Variants in TEAD1 observed in about 807,000 individuals in gnomAD.
The protein encoded by TEAD1 is TEA domain transcription factor 1, also known as transcriptional enhancer factor TEF-1.
Under a neutral mutation model 54.9 loss-of-function variants are expected in TEAD1, and 9 were observed. The ratio of observed to expected loss-of-function variants is 0.16; its 90% CI spans 0.10 to 0.29. The LOEUF (loss-of-function observed/expected upper bound fraction) is 0.29. TEAD1 is among the 10% of genes least tolerant of loss of function. The pLI, the probability that TEAD1 is intolerant of heterozygous loss-of-function variation, is 1.00. For missense variants in TEAD1, 387 were observed against 535.9 expected (o/e 0.72, Z 2.74); for synonymous variants, 200 against 187.8 (o/e 1.07, Z -0.53).
Position 12,941,667 on chromosome 11 carries a change from ATTTC to A in TEAD1, c.*4449_*4452del, listed in dbSNP as rs1949163774. The A allele has an allele frequency of 6.6e-6, 1 of 152,524 alleles. No individual in the cohort carries two copies. The highest frequency in any genetic ancestry group is 2.4e-5 in the African/African-American group (1 of 41,420). 9.4% of individuals were successfully genotyped at this position (152,524 alleles called of 1,614,324 possible). A position where few individuals can be genotyped will look rare whatever the true frequency, so the allele number is the denominator to read the frequency against. ...TTAGGAGGATATGTCTGCATTGCTT[ATTTC>A]TTTATGTTGGTGTTTCTGTGGCAAA... On this transcript the variant is annotated 3_prime_UTR_variant, in exon 13 of 13. Transcript: ENST00000527636.
intron 10 of TEAD1, among the ~76,000 whole-genome samples, chr11:12,908,870 C>T (rs1259414737): frequency 1.8e-5 from 2 of 112,636 alleles, no homozygotes; most frequent in Non-Finnish European, 3.9e-5. Flanking sequence ...TGTCAGTATA[C>T]TTCAAATTAT....
At chr11:12,913,289 A>T (rs1284111144) in intron 10 of TEAD1, among the ~76,000 whole-genome samples, 2 of 152,156 alleles carry the variant, frequency 1.3e-5, no homozygotes, top group African/African-American at 4.8e-5. Context: ...TAAATTAAAA[A>T]AGTGATGCAG....
At chr11:12,694,434 A>C in intron 2 of TEAD1, among the ~76,000 whole-genome samples, 1 of 149,810 alleles carries the variant, frequency 6.7e-6, no homozygotes, top group African/African-American at 2.5e-5. Context: ...GCAGTGTTTC[A>C]CGCCAGTCTT....
chr11:12,703,862 T>C (rs1020965342), intron 2 of TEAD1, among the ~76,000 whole-genome samples: 6 of 152,168 alleles, frequency 3.9e-5, no homozygotes, highest in Non-Finnish European at 8.8e-5. Context: ...TTCCCTGCTA[T>C]AGTTGGAGAT....
intron 2 of TEAD1, among the ~76,000 whole-genome samples, chr11:12,721,002 G>A (rs984781308): frequency 2.2e-4 from 33 of 152,278 alleles, no homozygotes; most frequent in Admixed American, 1.4e-3. Context: ...TTTGGACCTT[G>A]TATTCTTTAT....
At chr11:12,926,492 C>T (rs567273832) in intron 11 of TEAD1, among the ~76,000 whole-genome samples, 32 of 152,224 alleles carry the variant, frequency 2.1e-4, no homozygotes, top group South Asian at 8.3e-4. Flanking sequence ...GTCACACTCA[C>T]ATTTTATGCT....
intron 2 of TEAD1, among the ~76,000 whole-genome samples, chr11:12,704,466 C>T (rs1393374517): frequency 6.6e-6 from 1 of 152,200 alleles, no homozygotes; most frequent in African/African-American, 2.4e-5. Context: ...ATCTGCCTGG[C>T]GTGCCACTCC....
intron 3 of TEAD1, among the ~76,000 whole-genome samples, chr11:12,852,479 A>T (rs1298776520): frequency 1.4e-5 from 2 of 141,842 alleles, no homozygotes; most frequent in East Asian, 2.1e-4. Flanking sequence ...ACAGAGTCTC[A>T]CTCTGTTGCC....
rs981731101 is a variant in TEAD1, at chr11:12,939,366, C to T, written c.*2144C>T. 8 of 152,320 alleles carry T rather than the reference C, an allele frequency of 5.3e-5. No homozygotes were observed. The highest frequency in any genetic ancestry group is 7.3e-5 in the Non-Finnish European group (5 of 68,138). 9.4% of individuals were successfully genotyped at this position (152,320 alleles called of 1,614,324 possible). A position where few individuals can be genotyped will look rare whatever the true frequency, so the allele number is the denominator to read the frequency against. On this transcript the variant is annotated 3_prime_UTR_variant, in exon 13 of 13. Transcript: ENST00000527636. ...CCTTAAGGGAAGCCCCATCCTCTCC[C>T]AGGACCAGGAGTTTATGACCAGGCG...
intron 5 of TEAD1, among the ~76,000 whole-genome samples, chr11:12,870,056 T>C (rs1947709380): frequency 6.6e-6 from 1 of 152,038 alleles, no homozygotes. Context: ...ATTTTTGTAT[T>C]TTTAATAGAG....
intron 2 of TEAD1, among the ~76,000 whole-genome samples, chr11:12,686,370 C>G (rs1428918904): frequency 6.6e-6 from 1 of 152,136 alleles, no homozygotes; most frequent in African/African-American, 2.4e-5. Context: ...AGGGGAATTT[C>G]AGGAAACAAC....
chr11:12,851,881 T>A (rs958589342), intron 3 of TEAD1, among the ~76,000 whole-genome samples: 12 of 152,192 alleles, frequency 7.9e-5, no homozygotes, highest in Non-Finnish European at 1.5e-4. Flanking sequence ...ACAGGTGCTT[T>A]ACCATGGAGC....
chr11:12,695,986 C>G (rs900894407), intron 2 of TEAD1, among the ~76,000 whole-genome samples: 3 of 152,172 alleles, frequency 2.0e-5, no homozygotes, highest in African/African-American at 4.8e-5. Flanking sequence ...GAAATACATT[C>G]CTATTTGATA....
At chr11:12,878,896 G>C in intron 5 of TEAD1, 1 of 1,285,784 alleles carries the variant, frequency 7.8e-7, no homozygotes, top group Non-Finnish European at 1.0e-6. Flanking sequence ...CAGGTAACAA[G>C]CATGGTAAGT....
intron 2 of TEAD1, among the ~76,000 whole-genome samples, chr11:12,713,294 A>T (rs1305845162): frequency 3.9e-5 from 6 of 152,216 alleles, no homozygotes; most frequent in Non-Finnish European, 8.8e-5. Context: ...TGCTGGGATT[A>T]TAGGCATGAG....
At chr11:12,675,052 C>T (rs1021157141) in intron 1 of TEAD1, among the ~76,000 whole-genome samples, 1 of 146,548 alleles carries the variant, frequency 6.8e-6, no homozygotes, top group South Asian at 2.1e-4. Context: ...CTTGCCAGGA[C>T]GCCAAGTTGG....
At chr11:12,723,711 C>T (rs1944258388) in intron 2 of TEAD1, among the ~76,000 whole-genome samples, 1 of 152,112 alleles carries the variant, frequency 6.6e-6, no homozygotes, top group African/African-American at 2.4e-5. Flanking sequence ...CATGCTCCTT[C>T]AACTTATAAA....
At chr11:12,800,945 C>T (rs1473217083) in intron 3 of TEAD1, among the ~76,000 whole-genome samples, 1 of 152,170 alleles carries the variant, frequency 6.6e-6, no homozygotes, top group Non-Finnish European at 1.5e-5. Flanking sequence ...ATGCCTGGCA[C>T]AGAATTGGTG....
intron 5 of TEAD1, among the ~76,000 whole-genome samples, chr11:12,868,445 A>G (rs1213665769): frequency 6.6e-6 from 1 of 152,162 alleles, no homozygotes; most frequent in Non-Finnish European, 1.5e-5. Context: ...AAGTTCTGCC[A>G]TGTTCCTAGG....
Sources: gnomAD v4.1 joint callset for allele counts (sites outside exome capture counted in the v4.1 genomes callset) on GRCh38, gnomAD v4.1.1 for gene constraint, MANE v1.5 for transcripts, NCBI Gene and HGNC (gene_info 2026-07-23, HGNC 2026-07-21) for gene names.